The following RGS12 variants were observed in gnomAD, a reference collection of about 807,000 sequenced individuals.
The protein encoded by RGS12 is regulator of G-protein signaling 12.
In RGS12, 66 loss-of-function variants were observed where a neutral mutation model predicts 120.1. The ratio of observed to expected loss-of-function variants is 0.55; its 90% CI spans 0.45 to 0.67. The LOEUF is 0.67. RGS12 is among the 30% of genes least tolerant of loss of function. RGS12 has a pLI of 0.00. For synonymous variants in RGS12, 827 were observed against 804.7 expected (o/e 1.03, Z -0.47); for missense variants, 1,859 against 1,957.7 (o/e 0.95, Z 0.95).
At chr4:3,308,801 G>C (rs1003442756) in intron 1 of RGS12, among the ~76,000 whole-genome samples, 1 of 152,270 alleles carries the variant, frequency 6.6e-6, no homozygotes, top group East Asian at 1.9e-4. Flanking sequence ...GCCGTTCAGG[G>C]CTGGGAGCCG....
chr4:3,370,631 G>C (rs1465072117), intron 3 of RGS12, among the ~76,000 whole-genome samples: 1 of 152,252 alleles, frequency 6.6e-6, no homozygotes, highest in Non-Finnish European at 1.5e-5. Flanking sequence ...CTTTACCGTG[G>C]TAATTCTCAT....
At chr4:3,287,154 A>AGGCCCCGACGCTGTGCAGAGCCCC in the RGS12 span, among the ~76,000 whole-genome samples, 1 of 152,236 alleles carries the variant, frequency 6.6e-6, no homozygotes, top group South Asian at 2.1e-4. Context: ...AGCAGCGCCC[A>AGGCCCCGACGCTGTGCAGAGCCCC]GGCCCCGACG....
intron 2 of RGS12, among the ~76,000 whole-genome samples, chr4:3,332,062 GC>G (rs1208083385): frequency 2.6e-5 from 4 of 152,230 alleles, no homozygotes; most frequent in African/African-American, 9.6e-5. Context: ...TAGGGCAGGG[GC>G]TCCCTGAGAA....
In RGS12 at chr4:3,422,970, C is replaced by G; in HGVS notation, c.3099C>G (p.Thr1033=). 1 of 1,612,780 alleles carries G rather than the reference C, an allele frequency of 6.2e-7. No homozygotes were observed. ...GGGACCTGCGCCTAGAAAAGCGCACCTTGTTTCGGTAAGAGGAAGATCGCT... is the reference window on the plus strand; with the variant it reads ...GGGACCTGCGCCTAGAAAAGCGCACGTTGTTTCGGTAAGAGGAAGATCGCT... The part of the protein sequence containing the change: ...ESRDLRLEKR[T]LFRLDLVPIN... Residue 1033 remains threonine (T), a synonymous_variant, in exon 12 of 18, where the codon ACC becomes ACG. Transcript: ENST00000336727.
chr4:3,348,539 A>G (rs558471831), intron 3 of RGS12, among the ~76,000 whole-genome samples: 1 of 152,292 alleles, frequency 6.6e-6, no homozygotes, highest in African/African-American at 2.4e-5. Context: ...TGCGCACCGT[A>G]TTATAGAGGA....
chr4:3,384,027 A>C (rs1192966141), intron 3 of RGS12, among the ~76,000 whole-genome samples: 1 of 152,018 alleles, frequency 6.6e-6, no homozygotes, highest in Non-Finnish European at 1.5e-5. Context: ...GAAGTGAAAC[A>C]CCTCCTTCAT....
intron 2 of RGS12, among the ~76,000 whole-genome samples, chr4:3,337,366 G>A (rs139820838): frequency 1.3e-3 from 201 of 152,288 alleles, no homozygotes; most frequent in Non-Finnish European, 2.0e-3. Flanking sequence ...CTACTTCTAC[G>A]TATATACCCA....
At chr4:3,385,955 T>C (rs1458769422) in intron 3 of RGS12, 1 of 176,506 alleles carries the variant, frequency 5.7e-6, no homozygotes, top group East Asian at 1.6e-4. Flanking sequence ...GGGCGGCGAG[T>C]ATGGCCCTGG....
intron 3 of RGS12, among the ~76,000 whole-genome samples, chr4:3,384,588 T>C (rs1894442): frequency 0.54 from 82,340 of 152,188 alleles, 22,577 homozygotes; most frequent in South Asian, 0.65. Context: ...AAAAACCAGT[T>C]CCTGCGGCTG....
intron 17 of RGS12, among the ~76,000 whole-genome samples, chr4:3,432,987 T>C (rs893734633): frequency 4.6e-5 from 7 of 152,246 alleles, no homozygotes; most frequent in Admixed American, 1.3e-4. Flanking sequence ...CAGAAACTGC[T>C]CTGTGCAGCT....
intron 10 of RGS12, among the ~76,000 whole-genome samples, chr4:3,420,968 A>G (rs1208424166): frequency 6.6e-6 from 1 of 152,278 alleles, no homozygotes; most frequent in East Asian, 1.9e-4. Context: ...TATTAGTTAT[A>G]CGAGGGAGGG....
chr4:3,319,781 G>A (rs1725058688), intron 2 of RGS12, among the ~76,000 whole-genome samples: 1 of 152,210 alleles, frequency 6.6e-6, no homozygotes. Context: ...GCAGCTGCAC[G>A]TGCTGCTGCT....
chr4:3,423,364 G>A, intron 12 of RGS12, 151 bp from the exon 13 acceptor site: 2 of 1,045,546 alleles, frequency 1.9e-6, no homozygotes, highest in South Asian at 1.5e-5. Context: ...CCCACGTGGA[G>A]GAAGGCACGT....
At chr4:3,301,323 C>T (rs1295710177) in intron 1 of RGS12, among the ~76,000 whole-genome samples, 1 of 152,212 alleles carries the variant, frequency 6.6e-6, no homozygotes, top group African/African-American at 2.4e-5. Context: ...ATGATTTTGT[C>T]TTTCTGAGAG....
chr4:3,304,191 C>T (rs961655392), intron 1 of RGS12, among the ~76,000 whole-genome samples: 11 of 152,154 alleles, frequency 7.2e-5, no homozygotes, highest in African/African-American at 2.4e-4. Flanking sequence ...TAAAAACCCA[C>T]GAAAAACTAT....
At chr4:3,407,247 T>A (rs1261857917) in intron 4 of RGS12, 1 of 152,252 alleles carries the variant, frequency 6.6e-6, no homozygotes, top group Non-Finnish European at 1.5e-5. Flanking sequence ...CGGCAGCAGC[T>A]GAGGGGCTGC....
chr4:3,355,371 G>T (rs541621123), intron 3 of RGS12, among the ~76,000 whole-genome samples: 1 of 152,104 alleles, frequency 6.6e-6, no homozygotes, highest in Non-Finnish European at 1.5e-5. Flanking sequence ...AATTTAAATC[G>T]TTACCGGAAG....
Position 3,428,541 on chromosome 4 carries a change from C to T in RGS12, c.3412-17C>T, listed in dbSNP as rs779465001. The stretch of plus-strand genomic sequence containing the variant: ...TATTGAAATGAAAGTAGAACTTTGA[C>T]TTTCCTTCTAATGCAGGGAGAGGAA... On this transcript the variant is annotated splice_polypyrimidine_tract_variant and intron_variant, in intron 15 of 17. Coordinates refer to ENST00000336727, the MANE Select transcript of RGS12 (RefSeq NM_001394154.1). The T allele has an allele frequency of 4.5e-6, 7 of 1,565,844 alleles. No individual in the cohort carries two copies. In the South Asian group the frequency reaches 4.8e-5, roughly 11 times the overall value.
chr4:3,320,804 G>A (rs149164766), intron 2 of RGS12, among the ~76,000 whole-genome samples: 417 of 152,240 alleles, frequency 2.7e-3, no homozygotes, highest in African/African-American at 9.8e-3. Context: ...TCCGGACGTC[G>A]CCGTGGACAG....
Sources: gnomAD v4.1 joint callset for allele counts (sites outside exome capture counted in the v4.1 genomes callset) on GRCh38, gnomAD v4.1.1 for gene constraint, MANE v1.5 for transcripts, NCBI Gene and HGNC (gene_info 2026-07-23, HGNC 2026-07-21) for gene names.